Variants in KY observed in about 807,000 individuals in gnomAD.
KY encodes kyphoscoliosis peptidase.
Under a neutral mutation model 76.1 loss-of-function variants are expected in KY, and 43 were observed. That is an observed-to-expected ratio of 0.57 (90% CI 0.44 to 0.73). The LOEUF (loss-of-function observed/expected upper bound fraction) is 0.73. Among genes scored for constraint, KY ranks in the 30% least tolerant of loss-of-function variants. KY has a pLI of 0.00. For missense variants in KY, 722 were observed against 828.9 expected (o/e 0.87, Z 1.58); for synonymous variants, 277 against 326.2 (o/e 0.85, Z 1.63).
At chr3:134,625,912 T>C (rs1963381656) in intron 5 of KY, among the ~76,000 whole-genome samples, 1 of 152,240 alleles carries the variant, frequency 6.6e-6, no homozygotes, top group Non-Finnish European at 1.5e-5. Flanking sequence ...AGACCAGTGC[T>C]GATGCAGGGC....
chr3:134,607,646 G>A lies in KY; in HGVS notation c.1090+1003C>T, dbSNP rs565152488. 7.1e-6 allele frequency: 7 copies of A among 985,660 alleles called. No individual in the cohort carries two copies. In the South Asian group the frequency reaches 3.3e-4, roughly 46 times the overall value. 61.1% of individuals were successfully genotyped at this position (985,660 alleles called of 1,614,324 possible). A position where few individuals can be genotyped will look rare whatever the true frequency, so the allele number is the denominator to read the frequency against. On this transcript the variant is annotated intron_variant, in intron 10 of 10. Coordinates refer to ENST00000423778, the MANE Select transcript of KY (RefSeq NM_178554.6). ...CATAAGAGACAATCTTCCAGAGAAG[G>A]CCCTGCTTTTTTGTGACCAGTTCTG...
At chr3:134,643,458 C>A in intron 2 of KY, 80 bp from the exon 3 acceptor site, 2 of 1,279,260 alleles carry the variant, frequency 1.6e-6, no homozygotes, top group Non-Finnish European at 2.3e-6. Context: ...TATGTGTTTG[C>A]GGGAAAGGTG....
intron 6 of KY, among the ~76,000 whole-genome samples, chr3:134,623,869 C>A (rs898623468): frequency 6.6e-6 from 1 of 152,134 alleles, no homozygotes; most frequent in African/African-American, 2.4e-5. Context: ...CCTGGCCTTG[C>A]CCCAGCCCCT....
chr3:134,650,759 C>T, intron 1 of KY, 66 bp downstream of exon 1: 1 of 1,415,666 alleles, frequency 7.1e-7, no homozygotes, highest in Admixed American at 2.6e-5. Context: ...CCCCGGCGGG[C>T]AGGCCCTTGT....
chr3:134,641,011 C>T (rs1965680088), intron 3 of KY: 1 of 152,850 alleles, frequency 6.5e-6, no homozygotes, highest in Non-Finnish European at 1.5e-5. Context: ...GCTACCCCCA[C>T]CTTGCCCATG....
At chr3:134,608,505 GCA>G (rs1959662041) in intron 10 of KY, 142 bp downstream of exon 10, 3 of 1,560,880 alleles carry the variant, frequency 1.9e-6, no homozygotes, top group Non-Finnish European at 2.6e-6. Context: ...TCATCCACAT[GCA>G]CACACAAGCT....
chr3:134,612,751 CTGTGTGTGTGTGTGTGTG>C lies in KY; in HGVS notation c.711-2386_711-2369del, dbSNP rs35084772. On this transcript the variant is annotated intron_variant, in intron 8 of 10. Coordinates refer to ENST00000423778, the MANE Select transcript of KY (RefSeq NM_178554.6). ...CAGTCAGCACAATGTCACGCCGATG[CTGTGTGTGTGTGTGTGTG>C]TGTGTGTGTGTGTGTGTGTGTGTGT... Among the ~76,000 whole-genome samples the C allele has an allele frequency of 4.8e-5, 6 of 125,420 alleles. 1 individual carries two copies. The highest frequency in any genetic ancestry group is 3.1e-4 in the South Asian group (1 of 3,252). The allele number at this position is 125,420 out of a possible 152,430, so 82.3% of individuals were successfully genotyped here. A position where few individuals can be genotyped will look rare whatever the true frequency, so the allele number is the denominator to read the frequency against.
rs369074408 is a variant in KY, at chr3:134,604,049, C to G, written c.1516G>C (p.Glu506Gln). The G allele has an allele frequency of 3.7e-6, 6 of 1,614,004 alleles. No homozygotes were observed. Among genetic ancestry groups the G allele is most frequent in the Non-Finnish European group, 4.2e-6 (5 of 1,179,872 alleles). The change falls in exon 11 of 11, where the codon GAG becomes CAG. Residue 506 changes from glutamate (E) to glutamine (Q), a missense_variant. Coordinates refer to ENST00000423778, the MANE Select transcript of KY (RefSeq NM_178554.6). ...TGGAAGATGTAGCGCCGCTGTGTCT[C>G]CTCAGTGATGGGGCCATCATCCCCG... is the stretch of plus-strand genomic sequence containing the variant. ...LHGDDGPITE[E>Q]TQRRYIFQLH...
chr3:134,606,554 C>T (rs183341262), intron 10 of KY, among the ~76,000 whole-genome samples: 1 of 152,298 alleles, frequency 6.6e-6, no homozygotes, highest in African/African-American at 2.4e-5. Flanking sequence ...CTAGCCCTGG[C>T]TGTCCTTCAG....
intron 8 of KY, among the ~76,000 whole-genome samples, chr3:134,614,602 C>A (rs1196741945): frequency 2.0e-5 from 3 of 152,020 alleles, no homozygotes; most frequent in African/African-American, 7.2e-5. Flanking sequence ...AAGGCAATGT[C>A]ATTACCTGGG....
At chr3:134,614,020 C>T (rs1961035427) in intron 8 of KY, among the ~76,000 whole-genome samples, 1 of 152,148 alleles carries the variant, frequency 6.6e-6, no homozygotes, top group Non-Finnish European at 1.5e-5. Context: ...AATATCATAT[C>T]CCCAAAATAA....
chr3:134,645,407 T>G (rs1966321444), intron 2 of KY, among the ~76,000 whole-genome samples: 2 of 152,216 alleles, frequency 1.3e-5, no homozygotes, highest in South Asian at 4.1e-4. Context: ...CACCAGCACA[T>G]GCCATCAGCC....
At chr3:134,632,523 G>A (rs1050391317) in intron 3 of KY, among the ~76,000 whole-genome samples, 1 of 151,892 alleles carries the variant, frequency 6.6e-6, no homozygotes, top group Non-Finnish European at 1.5e-5. Context: ...CAAAGAAGAA[G>A]TCTCAAGGAA....
rs951180221 is a variant in KY at position 134,644,115 on chromosome 3, G to A, written c.200-737C>T. 3.3e-5 allele frequency among the ~76,000 whole-genome samples: 5 copies of A among 152,276 alleles called. No individual in the cohort carries two copies. The East Asian group carries it at 5.8e-4, about 18-fold the overall frequency. On this transcript the variant is annotated intron_variant, in intron 2 of 10. Transcript: ENST00000423778. Reference sequence around the variant, plus strand: ...GCTGGGATTATAGGCGTGAGCCACCGCGCCCGGCCGAGCCTCCTGCTTCTT... The same window carrying A: ...GCTGGGATTATAGGCGTGAGCCACCACGCCCGGCCGAGCCTCCTGCTTCTT...
In KY at chr3:134,651,007, T is replaced by C; in HGVS notation, c.-47A>G. ...TGGGCGCCGCGGCCGCACGCTAGGC[T>C]GCTTGCGCTGCAAATGGCCCCGTGC... On this transcript the variant is annotated 5_prime_UTR_variant, in exon 1 of 11. Coordinates refer to ENST00000423778, the MANE Select transcript of KY (RefSeq NM_178554.6). 1 of 1,610,900 alleles carries C rather than the reference T, an allele frequency of 6.2e-7. No individual in the cohort carries two copies. The highest frequency in any genetic ancestry group is 8.5e-7 in the Non-Finnish European group (1 of 1,178,604).
chr3:134,649,003 C>T (rs1966768113), intron 1 of KY, among the ~76,000 whole-genome samples: 2 of 152,166 alleles, frequency 1.3e-5, no homozygotes. Flanking sequence ...CTCCCTTAGG[C>T]TGTTTTTCGA....
intron 9 of KY, 97 bp from the exon 10 acceptor site, chr3:134,608,936 G>T: frequency 7.2e-7 from 1 of 1,385,032 alleles, no homozygotes; most frequent in Non-Finnish European, 9.7e-7. Context: ...CCCTGGATGG[G>T]AAGAGGCACC....
intron 1 of KY, 72 bp downstream of exon 1, chr3:134,650,753 G>T: frequency 7.3e-7 from 1 of 1,377,910 alleles, no homozygotes; most frequent in Non-Finnish European, 9.6e-7. Flanking sequence ...GGCGCCCCCC[G>T]GCGGGCAGGC....
At chr3:134,614,628 C>T (rs1340798347) in intron 8 of KY, among the ~76,000 whole-genome samples, 9 of 152,030 alleles carry the variant, frequency 5.9e-5, no homozygotes, top group Admixed American at 5.9e-4. Flanking sequence ...CTTGATGAAC[C>T]CTGAAGCTGC....
Sources: gnomAD v4.1 joint callset for allele counts (sites outside exome capture counted in the v4.1 genomes callset) on GRCh38, gnomAD v4.1.1 for gene constraint, MANE v1.5 for transcripts, NCBI Gene and HGNC (gene_info 2026-07-23, HGNC 2026-07-21) for gene names.